MICU1: variants seen among roughly 807,000 people sequenced by gnomAD.
MICU1 encodes the protein mitochondrial calcium uptake 1.
In MICU1, 45 loss-of-function variants were observed where a neutral mutation model predicts 56.8. The observed-to-expected ratio is 0.79, with a 90% confidence interval of 0.62 to 1.02. The LOEUF is 1.02. Among genes scored for constraint, MICU1 ranks in the 50% least tolerant of loss-of-function variants. The pLI is 0.00. For synonymous variants in MICU1, 186 were observed against 195.1 expected, an observed-to-expected ratio of 0.95 and a Z score of 0.39; for missense variants, 504 against 587.1, an observed-to-expected ratio of 0.86 and a Z score of 1.46.
intron 10 of MICU1, among the ~76,000 whole-genome samples, chr10:72,386,328 CCCA>C (rs752675424): frequency 2.1e-4 from 32 of 152,148 alleles, no homozygotes; most frequent in Non-Finnish European, 3.5e-4. Context: ...ATTACAGGTG[CCCA>C]CCACCACACC....
intron 8 of MICU1, among the ~76,000 whole-genome samples, chr10:72,466,752 T>C (rs944541141): frequency 2.0e-5 from 3 of 152,276 alleles, no homozygotes; most frequent in East Asian, 1.9e-4. Flanking sequence ...GGTCTCCTTT[T>C]CTATAATATT....
intron 1 of MICU1, among the ~76,000 whole-genome samples, chr10:72,610,259 C>CAAAAAAAAA (rs386371809): frequency 8.4e-6 from 1 of 118,954 alleles, no homozygotes; most frequent in African/African-American, 3.1e-5. Context: ...ACATACTCTC[C>CAAAAAAAAA]AAAAAAAAAA....
At chr10:72,445,253 C>T (rs1016353291) in intron 8 of MICU1, among the ~76,000 whole-genome samples, 20 of 152,132 alleles carry the variant, frequency 1.3e-4, no homozygotes, top group African/African-American at 4.6e-4. Context: ...ATGGTAGGTA[C>T]ATTTATTTAT....
At chr10:72,375,268 C>T (rs540919390) in intron 11 of MICU1, among the ~76,000 whole-genome samples, 64 of 152,230 alleles carry the variant, frequency 4.2e-4, no homozygotes, top group African/African-American at 1.3e-3. Flanking sequence ...AGCTACCATA[C>T]CTAAAAAATA....
Position 72,523,319 on chromosome 10 carries a change from T to C in MICU1, c.537+10427A>G, listed in dbSNP as rs535484786. Among the ~76,000 whole-genome samples the C allele has an allele frequency of 2.8e-4, 43 of 152,342 alleles. No homozygotes were observed. In the East Asian group the frequency reaches 4.1e-3, roughly 14 times the overall value. ...ATCTATTCGGTACTCTGTATGATGT[T>C]TGTGCCATGGCTGTTCTAAAATAGA... On this transcript the variant is annotated intron_variant, in intron 5 of 11. Transcript: ENST00000361114.
intron 10 of MICU1, among the ~76,000 whole-genome samples, chr10:72,384,885 C>G (rs1262106732): frequency 6.6e-6 from 1 of 152,070 alleles, no homozygotes; most frequent in African/African-American, 2.4e-5. Context: ...AAGAGCTTGC[C>G]TCCCACAAAC....
At chr10:72,467,609 T>C (rs1865832847) in intron 8 of MICU1, 1 of 152,106 alleles carries the variant, frequency 6.6e-6, no homozygotes, top group South Asian at 2.1e-4. Context: ...TGTGAGCCAC[T>C]GCACCCGGCC....
chr10:72,585,100 T>C (rs564295641), intron 1 of MICU1, among the ~76,000 whole-genome samples: 1 of 151,236 alleles, frequency 6.6e-6, no homozygotes, highest in Non-Finnish European at 1.5e-5. Context: ...TTTTGTTTTT[T>C]TTTTTGAGAC....
At position 72,424,243 on chromosome 10, in the gene MICU1, A is replaced by G. The variant is rs945076103; in HGVS notation, c.934-872T>C. Among the ~76,000 whole-genome samples, 27 of 151,854 alleles carry G rather than the reference A, an allele frequency of 1.8e-4. 1 individual carries two copies. Among genetic ancestry groups the G allele is most frequent in the African/African-American group, 6.5e-4 (27 of 41,320 alleles). ...TTCTCCTGTCTCAGCCTCCCGAGTA[A>G]ATGGGATTACAGGTGCACACCACCA... On this transcript the variant is annotated intron_variant, in intron 8 of 11. Transcript: ENST00000361114.
chr10:72,581,958 T>A (rs1463669497), intron 1 of MICU1, among the ~76,000 whole-genome samples: 1 of 152,178 alleles, frequency 6.6e-6, no homozygotes, highest in African/African-American at 2.4e-5. Flanking sequence ...GATGGAGTTT[T>A]CACTCTTGTT....
chr10:72,601,849 G>C (rs1429886858), intron 1 of MICU1, among the ~76,000 whole-genome samples: 1 of 150,410 alleles, frequency 6.6e-6, no homozygotes, highest in African/African-American at 2.4e-5. Context: ...ACCCAGGGTG[G>C]AGTGCAGTAG....
At chr10:72,384,236 C>T (rs895483726) in intron 10 of MICU1, among the ~76,000 whole-genome samples, 1 of 152,156 alleles carries the variant, frequency 6.6e-6, no homozygotes, top group Admixed American at 6.5e-5. Context: ...CTCAAGCGAA[C>T]CACCCACCTT....
intron 8 of MICU1, among the ~76,000 whole-genome samples, chr10:72,431,106 A>G (rs1180861432): frequency 3.3e-5 from 5 of 150,648 alleles, no homozygotes; most frequent in Admixed American, 1.3e-4. Context: ...CTATCTATCT[A>G]TCTATCTATC....
chr10:72,477,394 G>T, intron 6 of MICU1, 138 bp from the exon 7 acceptor site: 1 of 1,201,536 alleles, frequency 8.3e-7, no homozygotes, highest in Non-Finnish European at 1.2e-6. Flanking sequence ...CTCAATAAAT[G>T]GAAAATGAAA....
intron 8 of MICU1, among the ~76,000 whole-genome samples, chr10:72,436,822 G>T (rs1202148241): frequency 1.3e-5 from 2 of 152,016 alleles, no homozygotes; most frequent in East Asian, 3.9e-4. Flanking sequence ...AGTGATTGAA[G>T]ATCAAATTAA....
chr10:72,468,327 TC>T (rs779630671), intron 8 of MICU1, among the ~76,000 whole-genome samples: 1 of 150,336 alleles, frequency 6.7e-6, no homozygotes, highest in Admixed American at 6.6e-5. Context: ...ACAGCTCCTT[TC>T]CCCCCTTACC....
At chr10:72,466,562 T>C (rs959453000) in intron 8 of MICU1, among the ~76,000 whole-genome samples, 5 of 152,224 alleles carry the variant, frequency 3.3e-5, no homozygotes, top group Non-Finnish European at 7.3e-5. Context: ...GAAATGTCAT[T>C]GAACATATCA....
At chr10:72,450,957 C>G (rs1230826647) in intron 8 of MICU1, among the ~76,000 whole-genome samples, 1 of 151,040 alleles carries the variant, frequency 6.6e-6, no homozygotes, top group Non-Finnish European at 1.5e-5. Flanking sequence ...CTCAGGTGAT[C>G]TGCCTGCCTT....
chr10:72,444,444 CTTTTTTT>C (rs754274260), intron 8 of MICU1, among the ~76,000 whole-genome samples: 1 of 107,674 alleles, frequency 9.3e-6, no homozygotes, highest in African/African-American at 4.0e-5. Context: ...GAGTCTTTGC[CTTTTTTT>C]TTTTTTTTTT....
Sources: allele counts gnomAD v4.1 joint callset (sites outside exome capture counted in the v4.1 genomes callset), GRCh38; gene constraint gnomAD v4.1.1; transcripts MANE v1.5; gene names NCBI Gene and HGNC (gene_info 2026-07-23, HGNC 2026-07-21).